Variants in CLIC5 observed in about 807,000 individuals in gnomAD.
The protein encoded by CLIC5 is chloride intracellular channel protein 5.
CLIC5 carries 20 observed loss-of-function variants against 24.7 expected under a neutral mutation model. That is an observed-to-expected ratio of 0.81 (90% CI 0.57 to 1.18). The LOEUF is 1.18. Among genes scored for constraint, CLIC5 ranks in the 50% most tolerant of loss-of-function variants. The pLI is 0.00. For synonymous variants in CLIC5, 159 were observed against 135.6 expected, an observed-to-expected ratio of 1.17 and a Z score of -1.20; for missense variants, 341 against 326.1, an observed-to-expected ratio of 1.05 and a Z score of -0.35.
intron 1 of CLIC5, among the ~76,000 whole-genome samples, chr6:45,961,422 C>A (rs574970158): frequency 4.6e-5 from 7 of 152,328 alleles, no homozygotes; most frequent in African/African-American, 1.7e-4. Context: ...GTTCCCATAG[C>A]AGAATCAGGT....
intron 1 of CLIC5, among the ~76,000 whole-genome samples, chr6:45,982,405 G>T (rs970251690): frequency 3.9e-5 from 6 of 151,998 alleles, no homozygotes; most frequent in Non-Finnish European, 8.8e-5. Flanking sequence ...TAATAATAGG[G>T]ATGCATTCTG....
intron 4 of CLIC5, 93 bp downstream of exon 4, chr6:45,941,454 C>T: frequency 1.0e-6 from 1 of 969,420 alleles, no homozygotes; most frequent in South Asian, 1.3e-5. Context: ...CTTCTCTGGC[C>T]CAAGTATTTG....
chr6:46,047,140 C>T (rs151280747), intron 1 of CLIC5, among the ~76,000 whole-genome samples: 361 of 152,352 alleles, frequency 2.4e-3, no homozygotes, highest in African/African-American at 7.6e-3. Context: ...CTCTGTTATA[C>T]TTCCACTAGC....
chr6:46,037,805 T>C (rs1581889118), intron 1 of CLIC5, among the ~76,000 whole-genome samples: 1 of 152,202 alleles, frequency 6.6e-6, no homozygotes, highest in East Asian at 1.9e-4. Flanking sequence ...GAAGTGGTAA[T>C]TGCGGGCTAA....
chr6:46,089,608 G>A, the CLIC5 span, among the ~76,000 whole-genome samples: 2 of 151,984 alleles, frequency 1.3e-5, no homozygotes, highest in Non-Finnish European at 1.5e-5. Context: ...TCTTTATTGT[G>A]GGTAGAAAGA....
chr6:45,962,186 G>GTA lies in CLIC5; in HGVS notation c.64-6944_64-6943dup, dbSNP rs535435609. Among the ~76,000 whole-genome samples the GTA allele has an allele frequency of 7.4e-3, 1,107 of 149,176 alleles. 18 individuals carry two copies. The highest frequency in any genetic ancestry group is 0.027 in the Admixed American group (405 of 14,878). On this transcript the variant is annotated intron_variant, in intron 1 of 5. Coordinates refer to ENST00000339561, the MANE Select transcript of CLIC5 (RefSeq NM_016929.5). ...AACATAATATTATATATATGTGTGTGTATATATATATACACATATATATAA... is the reference window on the plus strand; with the variant it reads ...AACATAATATTATATATATGTGTGTGTATATATATATATACACATATATATAA...
At chr6:45,944,623 A>T (rs1017669406) in intron 3 of CLIC5, among the ~76,000 whole-genome samples, 2 of 151,874 alleles carry the variant, frequency 1.3e-5, no homozygotes, top group Non-Finnish European at 2.9e-5. Flanking sequence ...ACCATTGCAG[A>T]TGGTAAGTGC....
At chr6:45,884,111 C>G (rs1370487820) in intron 6 of CLIC5, among the ~76,000 whole-genome samples, 1 of 152,146 alleles carries the variant, frequency 6.6e-6, no homozygotes, top group African/African-American at 2.4e-5. Context: ...AGTGATGCCT[C>G]CAGGGGCCTG....
At chr6:46,010,032 T>C (rs1766748495) in intron 1 of CLIC5, among the ~76,000 whole-genome samples, 1 of 152,016 alleles carries the variant, frequency 6.6e-6, no homozygotes, top group African/African-American at 2.4e-5. Context: ...CAGTTGCCAT[T>C]GGTCTGCAGC....
chr6:46,000,431 A>T (rs1766312488), intron 1 of CLIC5, among the ~76,000 whole-genome samples: 1 of 152,120 alleles, frequency 6.6e-6, no homozygotes, highest in South Asian at 2.1e-4. Context: ...AGTTGTTACC[A>T]CCTGTTCATC....
intron 4 of CLIC5, among the ~76,000 whole-genome samples, chr6:45,923,885 C>G (rs931286837): frequency 2.2e-4 from 33 of 152,202 alleles, no homozygotes; most frequent in Admixed American, 5.2e-4. Flanking sequence ...CTGACACATA[C>G]TAGCTTGGGC....
intron 1 of CLIC5, among the ~76,000 whole-genome samples, chr6:46,066,152 C>G (rs1408164457): frequency 2.0e-5 from 3 of 152,072 alleles, no homozygotes; most frequent in Admixed American, 6.6e-5. Flanking sequence ...GCAACTCTAT[C>G]TTTTGTACTT....
intron 1 of CLIC5, among the ~76,000 whole-genome samples, chr6:45,993,999 C>T (rs1327207097): frequency 6.6e-6 from 1 of 152,146 alleles, no homozygotes; most frequent in Non-Finnish European, 1.5e-5. Flanking sequence ...GGCTTCTCCA[C>T]TTAAAATCTT....
chr6:46,073,434 G>A (rs937639800), intron 1 of CLIC5, among the ~76,000 whole-genome samples: 4 of 152,246 alleles, frequency 2.6e-5, no homozygotes, highest in South Asian at 2.1e-4. Context: ...ATTTAAATAC[G>A]TGGACACATC....
At chr6:45,931,654 G>GGTTC (rs1561942813) in intron 4 of CLIC5, among the ~76,000 whole-genome samples, 1 of 152,104 alleles carries the variant, frequency 6.6e-6, no homozygotes, top group African/African-American at 2.4e-5. Flanking sequence ...GTTTCTTAGA[G>GGTTC]GTTTGTTTGT....
At chr6:46,019,685 T>A, upstream of CLIC5, among the ~76,000 whole-genome samples, 1 of 116,622 alleles carries the variant, frequency 8.6e-6, no homozygotes, top group East Asian at 2.5e-4. Flanking sequence ...AGAGCGAGAC[T>A]CCGTCTCAAA....
chr6:46,036,219 T>A (rs371990897), intron 1 of CLIC5, among the ~76,000 whole-genome samples: 1 of 152,312 alleles, frequency 6.6e-6, no homozygotes, highest in African/African-American at 2.4e-5. Flanking sequence ...GTTTATTTAT[T>A]TTACCCCTTT....
intron 1 of CLIC5, among the ~76,000 whole-genome samples, chr6:45,958,422 TTATATATATATATATATATATA>T (rs35922936): frequency 4.9e-3 from 41 of 8,372 alleles, no homozygotes; most frequent in East Asian, 0.015. Context: ...AAAAAGACAA[TTATATATATATATATATATATA>T]TATATATATA....
the CLIC5 span, among the ~76,000 whole-genome samples, chr6:46,093,543 G>T: frequency 6.6e-6 from 1 of 152,072 alleles, no homozygotes; most frequent in Admixed American, 6.5e-5. Flanking sequence ...TGTAACAGAG[G>T]AAAAGCAAAA....
Sources: allele counts gnomAD v4.1 joint callset (sites outside exome capture counted in the v4.1 genomes callset), GRCh38; gene constraint gnomAD v4.1.1; transcripts MANE v1.5; gene names NCBI Gene and HGNC (gene_info 2026-07-23, HGNC 2026-07-21).